GULP1: variants seen among roughly 807,000 people sequenced by gnomAD.
GULP1 encodes PTB domain-containing engulfment adapter protein 1.
GULP1 carries 19 observed loss-of-function variants against 40.9 expected under a neutral mutation model. That is an observed-to-expected ratio of 0.46 (90% CI 0.32 to 0.68). The LOEUF is 0.68. Ranked by LOEUF, GULP1 falls within the 30% of genes least tolerant of loss-of-function variation. The pLI is 0.03. For missense variants in GULP1, 312 were observed against 362.2 expected (o/e 0.86, Z 1.12); for synonymous variants, 119 against 117.6 (o/e 1.01, Z -0.08).
intron 7 of GULP1, among the ~76,000 whole-genome samples, chr2:188,551,595 C>G (rs548638908): frequency 6.6e-6 from 1 of 151,636 alleles, no homozygotes; most frequent in Admixed American, 6.6e-5. Context: ...TAGGTTGATT[C>G]CATATGTTTG....
chr2:188,564,828 T>C (rs1439582332), intron 7 of GULP1, among the ~76,000 whole-genome samples: 2 of 151,980 alleles, frequency 1.3e-5, no homozygotes, highest in Non-Finnish European at 1.5e-5. Context: ...TAAACTCTTA[T>C]CAAGTCAGGG....
intron 2 of GULP1, among the ~76,000 whole-genome samples, chr2:188,392,546 GC>G (rs1308061093): frequency 6.6e-5 from 10 of 151,826 alleles, no homozygotes; most frequent in African/African-American, 2.4e-4. Flanking sequence ...CAGAGAACCA[GC>G]TTTTTGTTTC....
chr2:188,471,240 T>C (rs1219106945), intron 2 of GULP1, among the ~76,000 whole-genome samples: 3 of 152,168 alleles, frequency 2.0e-5, no homozygotes, highest in Non-Finnish European at 4.4e-5. Context: ...TATGAGTGCC[T>C]TTATAGGTGA....
At chr2:188,544,529 AAG>A (rs1275207349) in intron 7 of GULP1, among the ~76,000 whole-genome samples, 1 of 151,344 alleles carries the variant, frequency 6.6e-6, no homozygotes, top group African/African-American at 2.4e-5. Flanking sequence ...CTAAAACTTA[AAG>A]TATTATTATA....
intron 2 of GULP1, among the ~76,000 whole-genome samples, chr2:188,450,783 A>AG (rs2058775756): frequency 6.6e-6 from 1 of 152,202 alleles, no homozygotes; most frequent in African/African-American, 2.4e-5. Flanking sequence ...TTGCTCTTCT[A>AG]TAGTTCAGTT....
At chr2:188,406,468 A>G (rs1209611816) in intron 2 of GULP1, among the ~76,000 whole-genome samples, 22 of 152,194 alleles carry the variant, frequency 1.4e-4, no homozygotes. Flanking sequence ...ATACAATCCA[A>G]CAAAATTACA....
intron 6 of GULP1, among the ~76,000 whole-genome samples, chr2:188,535,824 G>A (rs2153275931): frequency 6.6e-6 from 1 of 152,192 alleles, no homozygotes; most frequent in East Asian, 1.9e-4. Flanking sequence ...TAGTGTATAA[G>A]CATTCCCTTT....
At chr2:188,419,480 G>C (rs1559219993) in intron 2 of GULP1, among the ~76,000 whole-genome samples, 1 of 150,814 alleles carries the variant, frequency 6.6e-6, no homozygotes, top group Non-Finnish European at 1.5e-5. Flanking sequence ...TCATGTTCCT[G>C]TTGGCCATTT....
intron 1 of GULP1, among the ~76,000 whole-genome samples, chr2:188,305,760 A>G (rs2036955031): frequency 6.6e-6 from 1 of 150,454 alleles, no homozygotes; most frequent in Admixed American, 6.6e-5. Flanking sequence ...AGATAGTCTA[A>G]TTTCTTCTTT....
At position 188,454,753 on chromosome 2, in the gene GULP1, A is replaced by G. The variant is rs553961785; in HGVS notation, c.-44-22906A>G. ...ATTTTAGTCACTGACCTTAGTTGTGACGAAATCCACATTAGGCATAGGGAC... is the reference window on the plus strand; with the variant it reads ...ATTTTAGTCACTGACCTTAGTTGTGGCGAAATCCACATTAGGCATAGGGAC... On this transcript the variant is annotated intron_variant, in intron 2 of 11. Coordinates refer to ENST00000409830, the MANE Select transcript of GULP1 (RefSeq NM_016315.4). Among the ~76,000 whole-genome samples the G allele has an allele frequency of 3.9e-5, 6 of 152,340 alleles. No individual in the cohort carries two copies. The East Asian group carries it at 9.6e-4, about 24-fold the overall frequency.
chr2:188,524,018 A>G (rs76984800), intron 5 of GULP1, among the ~76,000 whole-genome samples: 1,665 of 152,326 alleles, frequency 0.011, 38 homozygotes, highest in African/African-American at 0.037. Flanking sequence ...TCATTCCAAA[A>G]GAGGATTTAA....
chr2:188,545,477 A>G (rs1691677053), intron 7 of GULP1, among the ~76,000 whole-genome samples: 2 of 151,920 alleles, frequency 1.3e-5, no homozygotes, highest in Non-Finnish European at 2.9e-5. Flanking sequence ...AAGGGAGGTG[A>G]GGTTTCTACA....
At chr2:188,385,568 A>T (rs773011874) in intron 2 of GULP1, among the ~76,000 whole-genome samples, 29 of 152,210 alleles carry the variant, frequency 1.9e-4, no homozygotes, top group African/African-American at 2.7e-4. Context: ...TCTCCTCAGA[A>T]AACGGGATTT....
At chr2:188,312,947 C>T (rs1390973091) in intron 1 of GULP1, among the ~76,000 whole-genome samples, 5 of 147,598 alleles carry the variant, frequency 3.4e-5, no homozygotes, top group Non-Finnish European at 7.5e-5. Context: ...ATATCCTTTG[C>T]CCACTTTTTG....
In GULP1 at chr2:188,477,709, C is replaced by T. The variant is rs753137025; in HGVS notation, c.7C>T (p.Arg3Cys). The change falls in exon 3 of 12, where the codon CGT becomes TGT. Residue 3 changes from arginine (R) to cysteine (C), a missense_variant. By Grantham distance (180) the Arg-to-Cys change is radical. Transcript: ENST00000409830. ...TATTTGGCTGATCCTCATCATGAACCGTGCTTTTAGCAGGAAGAAAGGTAA... is the reference window on the plus strand; with the variant it reads ...TATTTGGCTGATCCTCATCATGAACTGTGCTTTTAGCAGGAAGAAAGGTAA... MN[R>C]AFSRKKDKTW... 7 of 1,600,192 alleles carry T rather than the reference C, an allele frequency of 4.4e-6. No homozygotes were observed. The highest frequency in any genetic ancestry group is 2.3e-5 in the East Asian group (1 of 44,142).
intron 10 of GULP1, among the ~76,000 whole-genome samples, chr2:188,585,100 G>A (rs1424210261): frequency 5.3e-5 from 8 of 152,156 alleles, no homozygotes; most frequent in Non-Finnish European, 1.2e-4. Context: ...TTTGAAACCC[G>A]GTGGGGCAGT....
chr2:188,368,947 A>ATATATG, intron 1 of GULP1, among the ~76,000 whole-genome samples: 1 of 77,308 alleles, frequency 1.3e-5, no homozygotes, highest in Non-Finnish European at 2.1e-5. Flanking sequence ...GTGTATATAT[A>ATATATG]TATATATATA....
chr2:188,296,746 AAG>A (rs1401929827), intron 1 of GULP1, among the ~76,000 whole-genome samples: 1 of 152,058 alleles, frequency 6.6e-6, no homozygotes, highest in Non-Finnish European at 1.5e-5. Context: ...GGATGCAACT[AAG>A]AGAGTGCATC....
intron 1 of GULP1, among the ~76,000 whole-genome samples, chr2:188,382,192 G>A (rs559108611): frequency 1.3e-5 from 2 of 152,222 alleles, no homozygotes; most frequent in Non-Finnish European, 2.9e-5. Context: ...TTGGCCACAA[G>A]AGACCACTTT....
Sources: gnomAD v4.1 joint callset for allele counts (sites outside exome capture counted in the v4.1 genomes callset) on GRCh38, gnomAD v4.1.1 for gene constraint, MANE v1.5 for transcripts, NCBI Gene and HGNC (gene_info 2026-07-23, HGNC 2026-07-21) for gene names.